Variants in PLXDC2 observed in about 807,000 individuals in gnomAD.
PLXDC2 encodes the protein plexin domain-containing protein 2.
Under a neutral mutation model 68.9 loss-of-function variants are expected in PLXDC2, and 40 were observed. The ratio of observed to expected loss-of-function variants is 0.58; its 90% CI spans 0.45 to 0.76. The LOEUF is 0.76. PLXDC2 is among the 30% of genes least tolerant of loss of function. PLXDC2 has a pLI of 0.00. For synonymous variants in PLXDC2, 243 were observed against 234.2 expected (o/e 1.04, Z -0.34); for missense variants, 644 against 661.9 (o/e 0.97, Z 0.30).
At chr10:19,886,580 C>G (rs1296372145) in intron 1 of PLXDC2, among the ~76,000 whole-genome samples, 1 of 152,194 alleles carries the variant, frequency 6.6e-6, no homozygotes, top group Admixed American at 6.5e-5. Flanking sequence ...CAACAACCTT[C>G]ATGCTAAAAA....
intron 1 of PLXDC2, among the ~76,000 whole-genome samples, chr10:19,982,190 G>A (rs2131620728): frequency 6.6e-6 from 1 of 152,356 alleles, no homozygotes; most frequent in African/African-American, 2.4e-5. Flanking sequence ...TTATGACAAT[G>A]AAGGAGTCAT....
intron 9 of PLXDC2, 40 bp downstream of exon 9, chr10:20,177,449 A>T: frequency 1.9e-6 from 2 of 1,038,054 alleles, no homozygotes; most frequent in Non-Finnish European, 2.5e-6. Context: ...AAATTTAAAA[A>T]GATATTTTAA....
At position 19,996,216 on chromosome 10, in the gene PLXDC2, G is replaced by A. The variant is rs533522260; in HGVS notation, c.113-5559G>A. Among the ~76,000 whole-genome samples, 171 of 152,270 alleles carry A rather than the reference G, an allele frequency of 1.1e-3. 4 individuals are homozygous for A. The South Asian group carries it at 0.022, about 19-fold the overall frequency. Reference sequence around the variant, plus strand: ...AGCACTTTGGGAGGCCAAGGTGGGAGGATTGCTTGGGGCCAGGAGTTTAAG... The same window carrying A: ...AGCACTTTGGGAGGCCAAGGTGGGAAGATTGCTTGGGGCCAGGAGTTTAAG... On this transcript the variant is annotated intron_variant, in intron 1 of 13. Coordinates refer to ENST00000377252, the MANE Select transcript of PLXDC2 (RefSeq NM_032812.9).
chr10:19,864,394 T>G (rs1391207648), intron 1 of PLXDC2, among the ~76,000 whole-genome samples: 1 of 152,182 alleles, frequency 6.6e-6, no homozygotes, highest in Non-Finnish European at 1.5e-5. Context: ...CTGGCACACT[T>G]CTTAGATGAA....
Position 19,893,611 on chromosome 10 carries a change from T to C in PLXDC2, c.112+76420T>C, listed in dbSNP as rs970326849. ...TGCAAAAAGATGGATATGTGACCAA[T>C]ATAATAATGGCTCCTTTTGCAAGAA... On this transcript the variant is annotated intron_variant, in intron 1 of 13. Coordinates refer to ENST00000377252, the MANE Select transcript of PLXDC2 (RefSeq NM_032812.9). 3.3e-5 allele frequency among the ~76,000 whole-genome samples: 5 copies of C among 152,216 alleles called. No individual in the cohort carries two copies. The East Asian group carries it at 9.6e-4, about 29-fold the overall frequency.
chr10:20,094,308 T>C (rs1833319787), intron 4 of PLXDC2, among the ~76,000 whole-genome samples: 1 of 152,192 alleles, frequency 6.6e-6, no homozygotes, highest in Non-Finnish European at 1.5e-5. Flanking sequence ...TTTATAGTTT[T>C]CAGAATTATT....
intron 9 of PLXDC2, among the ~76,000 whole-genome samples, chr10:20,200,535 T>C (rs1048434427): frequency 1.1e-4 from 17 of 151,880 alleles, no homozygotes; most frequent in Non-Finnish European, 1.8e-4. Context: ...ACATAAACAA[T>C]TGGCATTGCA....
chr10:19,923,503 A>G (rs1833494621), intron 1 of PLXDC2, among the ~76,000 whole-genome samples: 1 of 152,228 alleles, frequency 6.6e-6, no homozygotes, highest in South Asian at 2.1e-4. Context: ...TGTTATACAT[A>G]TTTATTAAAC....
At chr10:20,197,588 C>T (rs1589676336) in intron 9 of PLXDC2, among the ~76,000 whole-genome samples, 2 of 152,116 alleles carry the variant, frequency 1.3e-5, no homozygotes, top group East Asian at 3.9e-4. Flanking sequence ...GATCTCTTGA[C>T]CTCGTGATCC....
rs141204573 is a variant in PLXDC2, at chr10:19,960,571, C to T, written c.113-41204C>T. ...CTCTACCCTCTTTTATTCTTCTATC[C>T]TCTATGAAAGTAGAACACTTCTCTC... On this transcript the variant is annotated intron_variant, in intron 1 of 13. Coordinates refer to ENST00000377252, the MANE Select transcript of PLXDC2 (RefSeq NM_032812.9). 4.7e-3 allele frequency among the ~76,000 whole-genome samples: 715 copies of T among 152,110 alleles called. 4 individuals carry two copies. The highest frequency in any genetic ancestry group is 6.5e-3 in the Non-Finnish European group (441 of 67,996).
chr10:20,033,591 A>G (rs1437795481), intron 2 of PLXDC2, among the ~76,000 whole-genome samples: 2 of 152,142 alleles, frequency 1.3e-5, no homozygotes, highest in Non-Finnish European at 2.9e-5. Context: ...GAGCAAAGAG[A>G]TATCTTACAT....
intron 1 of PLXDC2, among the ~76,000 whole-genome samples, chr10:20,000,345 C>T (rs1834914130): frequency 6.7e-6 from 1 of 150,284 alleles, no homozygotes; most frequent in African/African-American, 2.5e-5. Flanking sequence ...ATTTCTCTTG[C>T]TCTTGGGTTT....
intron 1 of PLXDC2, among the ~76,000 whole-genome samples, chr10:19,858,039 A>G (rs988517613): frequency 7.2e-5 from 11 of 152,076 alleles, no homozygotes; most frequent in African/African-American, 2.4e-4. Context: ...GTTTGCTTTT[A>G]TTACTGTTGT....
intron 12 of PLXDC2, among the ~76,000 whole-genome samples, chr10:20,227,325 A>G (rs994261829): frequency 2.0e-5 from 3 of 152,186 alleles, no homozygotes; most frequent in Non-Finnish European, 2.9e-5. Context: ...AAGAAAAACT[A>G]TATAAGAACA....
chr10:19,982,506 T>C (rs987919290), intron 1 of PLXDC2, among the ~76,000 whole-genome samples: 6 of 152,240 alleles, frequency 3.9e-5, no homozygotes, highest in Non-Finnish European at 8.8e-5. Flanking sequence ...ACAATCTTAT[T>C]TGTTTTCTTC....
At chr10:20,173,835 A>G (rs1343525810) in intron 7 of PLXDC2, among the ~76,000 whole-genome samples, 1 of 152,198 alleles carries the variant, frequency 6.6e-6, no homozygotes, top group Non-Finnish European at 1.5e-5. Flanking sequence ...TGACAGAGGT[A>G]TCTCTGAAAT....
chr10:19,975,085 T>C (rs1039280463), intron 1 of PLXDC2, among the ~76,000 whole-genome samples: 3 of 152,224 alleles, frequency 2.0e-5, no homozygotes, highest in African/African-American at 7.2e-5. Flanking sequence ...TTTCTCATGG[T>C]ATTTTTCTAC....
At chr10:20,159,128 C>T (rs531648749) in intron 6 of PLXDC2, among the ~76,000 whole-genome samples, 109 of 152,232 alleles carry the variant, frequency 7.2e-4, no homozygotes, top group African/African-American at 2.6e-3. Context: ...ATAAAGTGGT[C>T]ATCCCTCTCC....
intron 13 of PLXDC2, among the ~76,000 whole-genome samples, chr10:20,247,296 CAAAAAAA>C (rs77665495): frequency 3.1e-5 from 3 of 96,538 alleles, no homozygotes; most frequent in African/African-American, 1.0e-4. Flanking sequence ...TTCATCTCTA[CAAAAAAA>C]AAAAAAAAGA....
Sources: allele counts gnomAD v4.1 joint callset (sites outside exome capture counted in the v4.1 genomes callset), GRCh38; gene constraint gnomAD v4.1.1; transcripts MANE v1.5; gene names NCBI Gene and HGNC (gene_info 2026-07-23, HGNC 2026-07-21).